The following ACTL6A variants were observed in gnomAD, a reference collection of about 807,000 sequenced individuals.
ACTL6A encodes the protein actin-like protein 6A.
In ACTL6A, 5 loss-of-function variants were observed where a neutral mutation model predicts 59.2. The observed-to-expected ratio is 0.08, with a 90% CI of 0.04 to 0.18. ACTL6A has a LOEUF of 0.18. Ranked by LOEUF, ACTL6A falls within the 10% of genes least tolerant of loss-of-function variation. The probability of loss-of-function intolerance (pLI) is 1.00; values close to 1 mark genes in which losing one functional copy is unlikely to be tolerated. For synonymous variants in ACTL6A, 154 were observed against 171.8 expected (o/e 0.90, Z 0.81); for missense variants, 285 against 526.9 (o/e 0.54, Z 4.49).
At chr3:179,577,028 A>T in intron 8 of ACTL6A, 115 bp downstream of exon 8, 1 of 667,066 alleles carries the variant, frequency 1.5e-6, no homozygotes. Context: ...TTATATTTTC[A>T]AGCTCTTTAT....
chr3:179,576,167 C>T (rs1560012174), intron 5 of ACTL6A, 50 bp from the exon 6 acceptor site: 2 of 1,341,778 alleles, frequency 1.5e-6, no homozygotes, highest in Non-Finnish European at 2.1e-6. Flanking sequence ...TTACAATAAA[C>T]ATTATTTTAG....
intron 8 of ACTL6A, among the ~76,000 whole-genome samples, chr3:179,577,387 C>G (rs1415542692): frequency 6.6e-6 from 1 of 151,970 alleles, no homozygotes; most frequent in Middle Eastern, 3.2e-3. Flanking sequence ...GAGAGATTCT[C>G]TTTACTAAAA....
intron 5 of ACTL6A, chr3:179,575,226 G>T (rs1718131230): frequency 2.7e-6 from 1 of 373,660 alleles, no homozygotes; most frequent in Admixed American, 3.6e-5. Context: ...TTCAGACCGT[G>T]CTGAGGTACT....
At position 179,570,303 on chromosome 3, in the gene ACTL6A, T is replaced by C. The variant is rs1476993490; in HGVS notation, c.277+62T>C. 3 of 1,382,554 alleles carry C rather than the reference T, an allele frequency of 2.2e-6. No individual in the cohort carries two copies. Among genetic ancestry groups the C allele is most frequent in the East Asian group, 5.0e-5 (2 of 40,042 alleles). The allele number at this position is 1,382,554 out of a possible 1,614,324, so 85.6% of individuals were successfully genotyped here. On this transcript the variant is annotated intron_variant, in intron 3 of 13. Coordinates refer to ENST00000429709, the MANE Select transcript of ACTL6A (RefSeq NM_004301.5). The surrounding 1 kb of genome is among the most constrained non-coding windows in gnomAD (Gnocchi z 4.3). Reference sequence around the variant, plus strand: ...TACATGTTATATTTTAGATACAAAGTAGTAGCTTCCTATAAGTTGAACATC... The same window carrying C: ...TACATGTTATATTTTAGATACAAAGCAGTAGCTTCCTATAAGTTGAACATC...
intron 3 of ACTL6A, among the ~76,000 whole-genome samples, chr3:179,571,176 T>G (rs761192422): frequency 6.6e-6 from 1 of 152,056 alleles, no homozygotes; most frequent in Non-Finnish European, 1.5e-5. Context: ...CCCAGCACTT[T>G]GGGAGGCTGA....
rs761609839 is a variant in ACTL6A at position 179,588,004 on chromosome 3, C to T, written c.1284C>T (p.Cys428=). The T allele has an allele frequency of 2.5e-6, 4 of 1,598,584 alleles. No individual in the cohort carries two copies. Among genetic ancestry groups the T allele is most frequent in the Non-Finnish European group, 2.6e-6 (3 of 1,175,592 alleles). Residue 428 remains cysteine (C), a synonymous_variant, in exon 14 of 14, where the codon TGC becomes TGT. Coordinates refer to ENST00000429709, the MANE Select transcript of ACTL6A (RefSeq NM_004301.5). Reference sequence around the variant, plus strand: ...GGAAGCAGTGTGTAGAAAGAAAATGCCCTTGAGAAAGAGTTCCCAAGCTTC... The same window carrying T: ...GGAAGCAGTGTGTAGAAAGAAAATGTCCTTGAGAAAGAGTTCCCAAGCTTC... ...EGGKQCVERK[C]P
chr3:179,583,285 T>C, intron 11 of ACTL6A, 68 bp from the exon 12 acceptor site: 1 of 1,222,198 alleles, frequency 8.2e-7, no homozygotes, highest in South Asian at 1.3e-5. Context: ...ATGGTTATAT[T>C]TGTAGTTGTA....
rs543610787 is a variant in ACTL6A, at chr3:179,587,056, G to C, written c.1209+424G>C. Among the ~76,000 whole-genome samples, 27 of 152,250 alleles carry C rather than the reference G, an allele frequency of 1.8e-4. No homozygotes were observed. In the South Asian group the frequency reaches 5.6e-3, roughly 32 times the overall value. Reference sequence around the variant, plus strand: ...GAGCAAATGGTGAAGTCATGGTGCGGGGTGTAAGATGTTGCTTGGACTACC... The same window carrying C: ...GAGCAAATGGTGAAGTCATGGTGCGCGGTGTAAGATGTTGCTTGGACTACC... On this transcript the variant is annotated intron_variant, in intron 13 of 13. Coordinates refer to ENST00000429709, the MANE Select transcript of ACTL6A (RefSeq NM_004301.5).
At chr3:179,572,424 T>G (rs1370591974) in intron 3 of ACTL6A, among the ~76,000 whole-genome samples, 2 of 152,212 alleles carry the variant, frequency 1.3e-5, no homozygotes, top group African/African-American at 4.8e-5. Flanking sequence ...CAGAAAAGTT[T>G]GTAAACTCTT....
chr3:179,570,085 A>C lies in ACTL6A; in HGVS notation c.121A>C (p.Ile41Leu). ...DCPKVDFPTA[I>L]GMVVERDDGS... ...CTTACAGGTGGATTTTCCTACAGCT[A>C]TTGGTATGGTGGTAGAAAGAGATGA... Residue 41 changes from isoleucine (I) to leucine (L), a missense_variant, in exon 3 of 14, where the codon ATT becomes CTT. By Grantham distance (5) the Ile-to-Leu change is conservative. Transcript: ENST00000429709. This position sits in a 1 kb window ranked among gnomAD's most constrained non-coding sequence, Gnocchi z 4.3. The C allele has an allele frequency of 6.2e-7, 1 of 1,613,856 alleles. No individual in the cohort carries two copies. The highest frequency in any genetic ancestry group is 8.5e-7 in the Non-Finnish European group (1 of 1,179,940).
intron 8 of ACTL6A, among the ~76,000 whole-genome samples, chr3:179,577,781 T>G (rs1023409643): frequency 6.6e-6 from 1 of 152,034 alleles, no homozygotes; most frequent in African/African-American, 2.4e-5. Context: ...GGCCTCCAGC[T>G]CCATCCCTGT....
At chr3:179,575,222 C>T (rs942723122) in intron 5 of ACTL6A, 2 of 357,776 alleles carry the variant, frequency 5.6e-6, no homozygotes, top group Non-Finnish European at 1.1e-5. Flanking sequence ...TACTTTCAGA[C>T]CGTGCTGAGG....
intron 12 of ACTL6A, 192 bp from the exon 13 acceptor site, chr3:179,586,354 G>A (rs1033330550): frequency 4.7e-6 from 2 of 428,342 alleles, no homozygotes; most frequent in Non-Finnish European, 8.1e-6. Context: ...CTGGGTGCAA[G>A]TGGCTCATGC....
chr3:179,564,732 T>G (rs944875245), intron 1 of ACTL6A, among the ~76,000 whole-genome samples: 1 of 152,188 alleles, frequency 6.6e-6, no homozygotes, highest in Non-Finnish European at 1.5e-5. Flanking sequence ...CACAAAAATG[T>G]TTTTTGAGTA....
intron 12 of ACTL6A, 107 bp downstream of exon 12, chr3:179,583,555 G>A: frequency 1.3e-6 from 1 of 790,920 alleles, no homozygotes; most frequent in Non-Finnish European, 2.1e-6. Flanking sequence ...ATGATATTTT[G>A]TGTGTGCCTG....
At chr3:179,565,024 G>A (rs536627577) in intron 1 of ACTL6A, among the ~76,000 whole-genome samples, 5 of 151,962 alleles carry the variant, frequency 3.3e-5, no homozygotes, top group Admixed American at 6.6e-5. Flanking sequence ...CAGTGCTGGC[G>A]TGGCAGAGTT....
chr3:179,581,276 C>G, intron 11 of ACTL6A, 56 bp downstream of exon 11: 1 of 1,398,098 alleles, frequency 7.2e-7, no homozygotes. Flanking sequence ...ACTGAAATGT[C>G]CCCAAATCAT....
At chr3:179,583,037 G>A (rs946385346) in intron 11 of ACTL6A, among the ~76,000 whole-genome samples, 3 of 152,236 alleles carry the variant, frequency 2.0e-5, no homozygotes, top group South Asian at 2.1e-4. Flanking sequence ...GCCTGTGCCC[G>A]TGAATAGCCA....
chr3:179,569,876 T>G lies in ACTL6A; in HGVS notation c.78T>G (p.Gly26=). The G allele has an allele frequency of 1.2e-6, 2 of 1,614,190 alleles. No individual in the cohort carries two copies. The highest frequency in any genetic ancestry group is 1.7e-6 in the Non-Finnish European group (2 of 1,180,016). The stretch of plus-strand genomic sequence containing the variant: ...TTGGATCCTATACTGTGAGAGCTGG[T>G]TATGCTGGTGAGGACTGCCCCAAGG... ...FDIGSYTVRA[G]YAGEDCPKVD... The change falls in exon 2 of 14, where the codon GGT becomes GGG. Residue 26 remains glycine (G), a synonymous_variant. Transcript: ENST00000429709.
Sources: allele counts gnomAD v4.1 joint callset (sites outside exome capture counted in the v4.1 genomes callset), GRCh38; gene constraint gnomAD v4.1.1; non-coding constraint Gnocchi (gnomAD v3.1); transcripts MANE v1.5; gene names NCBI Gene and HGNC (gene_info 2026-07-23, HGNC 2026-07-21).